The following EPB41L3 variants were observed in gnomAD, a reference collection of about 807,000 sequenced individuals.
The protein encoded by EPB41L3 is band 4.1-like protein 3.
A neutral mutation model predicts 127.1 loss-of-function variants in EPB41L3; 57 were observed. The ratio of observed to expected loss-of-function variants is 0.45; its 90% CI spans 0.36 to 0.56. The LOEUF is 0.56. EPB41L3 is among the 20% of genes least tolerant of loss of function. The pLI is 0.00. For synonymous variants in EPB41L3, 572 were observed against 549.5 expected (o/e 1.04, Z -0.57); for missense variants, 1,273 against 1,372.2 (o/e 0.93, Z 1.14).
chr18:5,521,359 G>T (rs768658064), intron 1 of EPB41L3: 1 of 152,172 alleles, frequency 6.6e-6, no homozygotes, highest in Admixed American at 6.5e-5. Flanking sequence ...TACAGTTCAG[G>T]TCCAGAGTAG....
chr18:5,424,128 T>C, intron 10 of EPB41L3, 134 bp downstream of exon 10: 3 of 638,712 alleles, frequency 4.7e-6, no homozygotes. Context: ...TTAGGATTTC[T>C]TATCAAGAAA....
intron 1 of EPB41L3, among the ~76,000 whole-genome samples, chr18:5,522,091 G>C (rs1055639680): frequency 6.6e-6 from 1 of 151,594 alleles, no homozygotes; most frequent in African/African-American, 2.4e-5. Context: ...ATGCCAAATC[G>C]TTATTTATTT....
intron 1 of EPB41L3, among the ~76,000 whole-genome samples, chr18:5,522,399 C>G (rs1049432066): frequency 4.6e-5 from 7 of 152,152 alleles, no homozygotes; most frequent in African/African-American, 1.7e-4. Flanking sequence ...ACTGGGATTA[C>G]AGATGTGAGC....
chr18:5,456,949 C>G (rs1008518508), intron 3 of EPB41L3, among the ~76,000 whole-genome samples: 1 of 152,228 alleles, frequency 6.6e-6, no homozygotes, highest in African/African-American at 2.4e-5. Flanking sequence ...AGCAGGGAGG[C>G]GCGCTCACTG....
intron 13 of EPB41L3, among the ~76,000 whole-genome samples, chr18:5,413,516 G>A (rs971808925): frequency 2.0e-5 from 3 of 152,194 alleles, no homozygotes; most frequent in Non-Finnish European, 4.4e-5. Flanking sequence ...TTGGCAAAAC[G>A]AAAGTGACAA....
intron 1 of EPB41L3, among the ~76,000 whole-genome samples, chr18:5,515,241 T>G (rs566553592): frequency 6.6e-6 from 1 of 152,334 alleles, no homozygotes; most frequent in South Asian, 2.1e-4. Context: ...CCATGTACAC[T>G]GCGGGGTGCT....
At chr18:5,575,708 G>C (rs1357310397) in intron 3 of EPB41L3, among the ~76,000 whole-genome samples, 1 of 152,042 alleles carries the variant, frequency 6.6e-6, no homozygotes, top group Non-Finnish European at 1.5e-5. Flanking sequence ...GTGGTGGTGG[G>C]TACCTGTAAT....
intron 3 of EPB41L3, among the ~76,000 whole-genome samples, chr18:5,601,340 A>G (rs2094588819): frequency 6.6e-6 from 1 of 152,084 alleles, no homozygotes; most frequent in Admixed American, 6.6e-5. Context: ...CCTCCCTCCA[A>G]TGCTGCTAAG....
At chr18:5,553,374 G>A (rs140859073) in intron 3 of EPB41L3, among the ~76,000 whole-genome samples, 1 of 152,264 alleles carries the variant, frequency 6.6e-6, no homozygotes, top group East Asian at 1.9e-4. Context: ...AGGTTGAGTA[G>A]CTTGTCTCAG....
intron 3 of EPB41L3, among the ~76,000 whole-genome samples, chr18:5,456,942 A>G (rs953835757): frequency 1.3e-5 from 2 of 152,228 alleles, no homozygotes; most frequent in African/African-American, 4.8e-5. Context: ...CTGGAGCAGC[A>G]GGGAGGCGCG....
intron 2 of EPB41L3, among the ~76,000 whole-genome samples, chr18:5,481,139 TTA>T (rs1173604810): frequency 6.6e-6 from 1 of 152,118 alleles, no homozygotes; most frequent in Non-Finnish European, 1.5e-5. Context: ...GAGCAGCTAT[TTA>T]TAGAGTGAAA....
At chr18:5,463,050 T>C (rs564957442) in intron 3 of EPB41L3, among the ~76,000 whole-genome samples, 1 of 152,268 alleles carries the variant, frequency 6.6e-6, no homozygotes, top group South Asian at 2.1e-4. Flanking sequence ...CCCCCTAATA[T>C]ATCCAATTGA....
chr18:5,436,256 A>C (rs997656183), intron 6 of EPB41L3, among the ~76,000 whole-genome samples: 1 of 152,168 alleles, frequency 6.6e-6, no homozygotes, highest in Non-Finnish European at 1.5e-5. Context: ...ACTATGAGAA[A>C]GTTTAAAGGT....
At chr18:5,533,000 A>G (rs898083540) in intron 1 of EPB41L3, among the ~76,000 whole-genome samples, 1 of 151,938 alleles carries the variant, frequency 6.6e-6, no homozygotes, top group Non-Finnish European at 1.5e-5. Flanking sequence ...ACACTGGGCA[A>G]AAAAAAAGAA....
chr18:5,596,504 C>T (rs2143682715), intron 3 of EPB41L3, among the ~76,000 whole-genome samples: 1 of 152,242 alleles, frequency 6.6e-6, no homozygotes, highest in Non-Finnish European at 1.5e-5. Context: ...AAGCAGGTCT[C>T]CTATGAGTTT....
chr18:5,568,418 T>A (rs2094234680), intron 3 of EPB41L3, among the ~76,000 whole-genome samples: 1 of 121,180 alleles, frequency 8.3e-6, no homozygotes. Flanking sequence ...TACCAATTCC[T>A]CTGGATAGTA....
At chr18:5,407,436 C>A in intron 15 of EPB41L3, 3 of 532,618 alleles carry the variant, frequency 5.6e-6, no homozygotes, top group Non-Finnish European at 1.0e-5. Context: ...CCAATACCAA[C>A]CTCTAACATA....
intron 3 of EPB41L3, among the ~76,000 whole-genome samples, chr18:5,561,025 T>G (rs1214537472): frequency 7.7e-6 from 1 of 129,620 alleles, no homozygotes; most frequent in South Asian, 2.4e-4. Context: ...TCGCCCAGGC[T>G]GGAGTGCAGT....
intron 1 of EPB41L3, among the ~76,000 whole-genome samples, chr18:5,508,642 C>G (rs983325935): frequency 4.0e-5 from 6 of 151,686 alleles, no homozygotes; most frequent in Non-Finnish European, 7.4e-5. Context: ...AGGCAGGCAT[C>G]TGTAATCCCA....
Sources: gnomAD v4.1 joint callset for allele counts (sites outside exome capture counted in the v4.1 genomes callset) on GRCh38, gnomAD v4.1.1 for gene constraint, MANE v1.5 for transcripts, NCBI Gene and HGNC (gene_info 2026-07-23, HGNC 2026-07-21) for gene names.